The following CADM2 variants were observed in gnomAD, a reference collection of about 807,000 sequenced individuals.
CADM2 encodes the protein cell adhesion molecule 2.
In CADM2, 12 loss-of-function variants were observed where a neutral mutation model predicts 49.8. That is an observed-to-expected ratio of 0.24 (90% CI 0.15 to 0.39). The LOEUF (loss-of-function observed/expected upper bound fraction) is 0.39. CADM2 is among the 10% of genes least tolerant of loss of function. The pLI is 1.00. For synonymous variants in CADM2, 214 were observed against 175.4 expected, an observed-to-expected ratio of 1.22 and a Z score of -1.74; for missense variants, 378 against 492.3, an observed-to-expected ratio of 0.77 and a Z score of 2.20.
At chr3:85,020,070 A>C (rs1046549738) in intron 1 of CADM2, among the ~76,000 whole-genome samples, 1 of 152,172 alleles carries the variant, frequency 6.6e-6, no homozygotes, top group African/African-American at 2.4e-5. Flanking sequence ...TTCCAAATAG[A>C]GATACCATAG....
At chr3:85,736,363 G>C (rs1240406507) in intron 2 of CADM2, among the ~76,000 whole-genome samples, 1 of 152,140 alleles carries the variant, frequency 6.6e-6, no homozygotes, top group African/African-American at 2.4e-5. Context: ...GGTACAATAA[G>C]ATTCAACTAC....
At chr3:85,330,806 A>AT (rs2107148609) in intron 1 of CADM2, among the ~76,000 whole-genome samples, 1 of 151,604 alleles carries the variant, frequency 6.6e-6, no homozygotes, top group South Asian at 2.1e-4. Flanking sequence ...AAAAAAAAAA[A>AT]AAAAATAGCT....
Position 86,065,733 on chromosome 3 carries a change from A to G in CADM2, c.1096+3A>G, listed in dbSNP as rs754281949. On this transcript the variant is annotated splice_donor_region_variant and intron_variant, in intron 9 of 9. Coordinates refer to ENST00000383699, the MANE Select transcript of CADM2 (RefSeq NM_001167675.2). ...TCGATATCTGGCAAGGCATAAAGGT[A>G]CGTTATATTTAGCCAGAGTACACAA... 1.1e-5 allele frequency: 18 copies of G among 1,612,684 alleles called. No individual in the cohort carries two copies. The South Asian group carries it at 1.9e-4, about 17-fold the overall frequency.
intron 1 of CADM2, among the ~76,000 whole-genome samples, chr3:85,382,286 T>A (rs1467790641): frequency 6.6e-6 from 1 of 152,106 alleles, no homozygotes; most frequent in Non-Finnish European, 1.5e-5. Context: ...AACTCTATGC[T>A]ACAAAAAGGC....
At chr3:85,697,220 A>G (rs2066595688) in intron 1 of CADM2, among the ~76,000 whole-genome samples, 1 of 151,792 alleles carries the variant, frequency 6.6e-6, no homozygotes, top group Non-Finnish European at 1.5e-5. Flanking sequence ...ATTCATTCAT[A>G]ATTTTCTAGA....
chr3:85,048,887 G>A (rs2035768293), intron 1 of CADM2, among the ~76,000 whole-genome samples: 1 of 152,130 alleles, frequency 6.6e-6, no homozygotes, highest in Non-Finnish European at 1.5e-5. Context: ...TGAATCTTGG[G>A]CATAAAATAA....
chr3:85,721,331 G>C (rs2067495638), intron 1 of CADM2, among the ~76,000 whole-genome samples: 1 of 152,120 alleles, frequency 6.6e-6, no homozygotes, highest in South Asian at 2.1e-4. Flanking sequence ...AGTTGTTATG[G>C]GATCTTTGGG....
At chr3:85,409,691 G>A (rs2035568173) in intron 1 of CADM2, among the ~76,000 whole-genome samples, 1 of 152,082 alleles carries the variant, frequency 6.6e-6, no homozygotes, top group Non-Finnish European at 1.5e-5. Flanking sequence ...GTAGACTGCT[G>A]TCTTAACTTG....
Position 85,961,543 on chromosome 3 carries a change from A to G in CADM2, c.866A>G (p.Glu289Gly), listed in dbSNP as rs1577790612. Reference sequence around the variant, plus strand: ...GACCGAATGGTTGTGAGTGGTAGGGAGCTAAACATTCTTTTCCTGAACAAA... The same window carrying G: ...GACCGAATGGTTGTGAGTGGTAGGGGGCTAAACATTCTTTTCCTGAACAAA... The part of the protein sequence containing the change: ...DPDRMVVSGR[E>G]LNILFLNKTD... The change falls in exon 8 of 10, where the codon GAG (glutamate) becomes GGG (glycine). Residue 289 changes from glutamate (E) to glycine (G), a missense_variant. Glu to Gly is a moderately conservative substitution (Grantham distance 98, BLOSUM62 -2). Coordinates refer to ENST00000383699, the MANE Select transcript of CADM2 (RefSeq NM_001167675.2). 1 of 1,610,918 alleles carries G rather than the reference A, an allele frequency of 6.2e-7. No individual in the cohort carries two copies. Among genetic ancestry groups the G allele is most frequent in the Non-Finnish European group, 8.5e-7 (1 of 1,177,758 alleles).
intron 3 of CADM2, among the ~76,000 whole-genome samples, chr3:85,814,813 C>A (rs1340070423): frequency 2.0e-5 from 3 of 151,472 alleles, no homozygotes; most frequent in African/African-American, 7.3e-5. Context: ...CTATAGTGTT[C>A]TATAGAATAT....
At chr3:85,948,717 T>TAATAA (rs58893078) in intron 7 of CADM2, among the ~76,000 whole-genome samples, 4,069 of 150,898 alleles carry the variant, frequency 0.027, 116 homozygotes, top group African/African-American at 0.065. Flanking sequence ...CTAAATAAAA[T>TAATAA]AATAAAATAA....
chr3:85,314,613 T>C (rs2044422594), intron 1 of CADM2, among the ~76,000 whole-genome samples: 1 of 152,184 alleles, frequency 6.6e-6, no homozygotes, highest in African/African-American at 2.4e-5. Context: ...GTTATATCTA[T>C]ATTTTATTAA....
At chr3:85,293,952 G>C (rs993466458) in intron 1 of CADM2, among the ~76,000 whole-genome samples, 3 of 152,064 alleles carry the variant, frequency 2.0e-5, no homozygotes, top group Admixed American at 6.5e-5. Context: ...AATTAGGCAG[G>C]AAAAGGAAAT....
chr3:85,468,743 G>A (rs555824827), intron 1 of CADM2, among the ~76,000 whole-genome samples: 4 of 152,234 alleles, frequency 2.6e-5, no homozygotes, highest in African/African-American at 9.6e-5. Flanking sequence ...ATATATTTGG[G>A]TGGTGATACC....
At chr3:85,610,474 G>A (rs1441287846) in intron 1 of CADM2, among the ~76,000 whole-genome samples, 2 of 151,874 alleles carry the variant, frequency 1.3e-5, no homozygotes, top group African/African-American at 4.8e-5. Flanking sequence ...GAGTGAAAAT[G>A]ATCAATATTC....
At chr3:85,107,650 T>TCTTC (rs2038292735) in intron 1 of CADM2, among the ~76,000 whole-genome samples, 1 of 150,782 alleles carries the variant, frequency 6.6e-6, no homozygotes, top group African/African-American at 2.4e-5. Context: ...TTTCTTTCTT[T>TCTTC]CTTTCTTTTT....
chr3:85,643,347 A>G (rs1453322681), intron 1 of CADM2, among the ~76,000 whole-genome samples: 2 of 152,192 alleles, frequency 1.3e-5, no homozygotes, highest in Non-Finnish European at 2.9e-5. Flanking sequence ...AATTGTAGTG[A>G]CAAGTAGACG....
intron 8 of CADM2, chr3:86,013,029 CAT>C: frequency 9.5e-7 from 1 of 1,057,560 alleles, no homozygotes; most frequent in Non-Finnish European, 1.5e-6. Flanking sequence ...ATGTGCCAAA[CAT>C]GAGACCTCTA....
At chr3:85,411,144 C>T (rs2035638467) in intron 1 of CADM2, among the ~76,000 whole-genome samples, 1 of 152,206 alleles carries the variant, frequency 6.6e-6, no homozygotes, top group Non-Finnish European at 1.5e-5. Flanking sequence ...TGAAGACATG[C>T]TGTTGTAAAC....
Sources: allele counts gnomAD v4.1 joint callset (sites outside exome capture counted in the v4.1 genomes callset), GRCh38; gene constraint gnomAD v4.1.1; transcripts MANE v1.5; gene names NCBI Gene and HGNC (gene_info 2026-07-23, HGNC 2026-07-21).